The following FAT4 variants were observed in gnomAD, a reference collection of about 807,000 sequenced individuals.
FAT4 encodes FAT atypical cadherin 4, also known as protocadherin Fat 4.
In FAT4, 84 loss-of-function variants were observed where a neutral mutation model predicts 303.9. The observed-to-expected ratio is 0.28, with a 90% confidence interval of 0.23 to 0.33. The LOEUF is 0.33. Ranked by LOEUF, FAT4 falls within the 10% of genes least tolerant of loss-of-function variation. The pLI, the probability that FAT4 is intolerant of heterozygous loss-of-function variation, is 1.00. For synonymous variants in FAT4, 2,307 were observed against 2,298.8 expected (o/e 1.00, Z -0.10); for missense variants, 6,005 against 6,146.8 (o/e 0.98, Z 0.77).
chr4:125,464,319 G>A (rs1268300437), intron 11 of FAT4, among the ~76,000 whole-genome samples: 1 of 152,024 alleles, frequency 6.6e-6, no homozygotes, highest in African/African-American at 2.4e-5. Flanking sequence ...ATTCCTTCCA[G>A]GTCTTATCCA....
chr4:125,381,444 A>C (rs1274427044), intron 2 of FAT4, among the ~76,000 whole-genome samples: 1 of 136,820 alleles, frequency 7.3e-6, no homozygotes, highest in Non-Finnish European at 1.7e-5. Context: ...TTGGTGTTTC[A>C]TTGCATATAA....
At chr4:125,436,193 T>TTA (rs57596046) in intron 8 of FAT4, among the ~76,000 whole-genome samples, 1 of 148,616 alleles carries the variant, frequency 6.7e-6, no homozygotes, top group African/African-American at 2.5e-5. Context: ...AGTATAATAA[T>TTA]AAAAAAAAAA....
intron 2 of FAT4, among the ~76,000 whole-genome samples, chr4:125,381,749 T>TGA (rs1733550599): frequency 6.6e-6 from 1 of 152,198 alleles, no homozygotes; most frequent in Admixed American, 6.5e-5. Flanking sequence ...GAAAGATTTC[T>TGA]CTGTAGCATT....
chr4:125,457,299 G>C (rs1041687424), intron 10 of FAT4, among the ~76,000 whole-genome samples: 5 of 152,026 alleles, frequency 3.3e-5, no homozygotes. Flanking sequence ...ATTTTATGTA[G>C]AGAACAACTT....
At chr4:125,376,727 C>T (rs1345009622) in intron 2 of FAT4, among the ~76,000 whole-genome samples, 1 of 151,988 alleles carries the variant, frequency 6.6e-6, no homozygotes, top group Non-Finnish European at 1.5e-5. Flanking sequence ...TAGAGAAACC[C>T]GGTCTCTACT....
chr4:125,452,942 A>G (rs1258119308), intron 10 of FAT4, 132 bp downstream of exon 10: 28 of 1,152,782 alleles, frequency 2.4e-5, no homozygotes, highest in Non-Finnish European at 3.3e-5. Flanking sequence ...TTAAACATTT[A>G]CTGTTGGTCA....
intron 7 of FAT4, among the ~76,000 whole-genome samples, chr4:125,429,868 T>C (rs1725222209): frequency 6.6e-6 from 1 of 152,066 alleles, no homozygotes; most frequent in African/African-American, 2.4e-5. Flanking sequence ...GCAGAAAGCT[T>C]TGGACGGAAG....
chr4:125,352,084 A>T (rs183976688), intron 2 of FAT4, among the ~76,000 whole-genome samples: 1 of 151,798 alleles, frequency 6.6e-6, no homozygotes, highest in Non-Finnish European at 1.5e-5. Context: ...TTTTTTAAAA[A>T]GGGATTTAGG....
intron 2 of FAT4, among the ~76,000 whole-genome samples, chr4:125,353,793 G>A (rs995060643): frequency 6.6e-5 from 10 of 151,728 alleles, no homozygotes; most frequent in African/African-American, 2.4e-4. Flanking sequence ...AATATTTAGT[G>A]ACTGAAAAAT....
chr4:125,418,034 T>A (rs999739811), intron 7 of FAT4, among the ~76,000 whole-genome samples: 1 of 152,206 alleles, frequency 6.6e-6, no homozygotes, highest in Non-Finnish European at 1.5e-5. Context: ...CAGTTTAATC[T>A]TATTTTCCAA....
intron 2 of FAT4, among the ~76,000 whole-genome samples, chr4:125,371,345 T>C (rs1733106283): frequency 1.3e-5 from 2 of 151,832 alleles, no homozygotes; most frequent in Admixed American, 6.6e-5. Flanking sequence ...ACAAATAATA[T>C]TATACTGTGT....
chr4:125,487,382 G>C lies in FAT4; in HGVS notation c.12860G>C (p.Gly4287Ala). 1 of 1,613,850 alleles carries C rather than the reference G, an allele frequency of 6.2e-7. No homozygotes were observed. Among genetic ancestry groups the C allele is most frequent in the Non-Finnish European group, 8.5e-7 (1 of 1,179,770 alleles). ...NGKVYFTSDAGIAGKVERNIP... is the reference protein window; with the variant it reads ...NGKVYFTSDAAIAGKVERNIP... ...AAAGTATATTTTACATCCGATGCAG[G>C]AATTGCTGGGAAAGTGGAGAGAAAT... Residue 4287 changes from glycine (G) to alanine (A), a missense_variant, in exon 17 of 18, where the codon GGA becomes GCA. By Grantham distance (60) the Gly-to-Ala change is moderately conservative. Coordinates refer to ENST00000394329, the MANE Select transcript of FAT4 (RefSeq NM_001291303.3).
At chr4:125,331,882 C>G (rs1044271759) in intron 2 of FAT4, among the ~76,000 whole-genome samples, 1 of 152,118 alleles carries the variant, frequency 6.6e-6, no homozygotes, top group Non-Finnish European at 1.5e-5. Flanking sequence ...GCTGGACAAT[C>G]CCTCTTGCCT....
chr4:125,326,874 A>G (rs1192338012), intron 2 of FAT4, among the ~76,000 whole-genome samples: 1 of 151,978 alleles, frequency 6.6e-6, no homozygotes, highest in Non-Finnish European at 1.5e-5. Context: ...AAAATACAAA[A>G]ATTTGCCGGG....
At chr4:125,354,340 G>A (rs1732347177) in intron 2 of FAT4, among the ~76,000 whole-genome samples, 1 of 151,642 alleles carries the variant, frequency 6.6e-6, no homozygotes, top group South Asian at 2.1e-4. Context: ...ATATGTTTTT[G>A]ATTCAAATAT....
chr4:125,438,158 A>C (rs1725524680), intron 8 of FAT4, among the ~76,000 whole-genome samples: 1 of 152,198 alleles, frequency 6.6e-6, no homozygotes, highest in African/African-American at 2.4e-5. Flanking sequence ...AATCAGATAT[A>C]GGGAAATTCT....
intron 2 of FAT4, among the ~76,000 whole-genome samples, chr4:125,333,771 G>A (rs1731472499): frequency 6.6e-6 from 1 of 152,104 alleles, no homozygotes; most frequent in Admixed American, 6.6e-5. Context: ...CAATCATCCT[G>A]TGAGATAACA....
intron 4 of FAT4, among the ~76,000 whole-genome samples, chr4:125,407,734 A>T (rs1004819720): frequency 2.0e-5 from 3 of 152,110 alleles, no homozygotes; most frequent in African/African-American, 7.2e-5. Flanking sequence ...TTCTTTGAAC[A>T]TATTATATTG....
rs554704001 is a variant in FAT4 at position 125,479,761 on chromosome 4, C to G, written c.12500C>G (p.Ala4167Gly). 5 of 1,596,352 alleles carry G rather than the reference C, an allele frequency of 3.1e-6. No homozygotes were observed. In the South Asian group the frequency reaches 5.6e-5, roughly 18 times the overall value. Residue 4167 changes from alanine (A) to glycine (G), a missense_variant, in exon 15 of 18, where the codon GCT (alanine) becomes GGT (glycine). Transcript: ENST00000394329. ...TTTAGATGCCCTAGGCTGGAAGGCGCTTGTACTCGCAGCCCATGCCAACAT... is the reference window on the plus strand; with the variant it reads ...TTTAGATGCCCTAGGCTGGAAGGCGGTTGTACTCGCAGCCCATGCCAACAT... ...ILDQCPRLEG[A>G]CTRSPCQHGG...
Sources: gnomAD v4.1 joint callset for allele counts (sites outside exome capture counted in the v4.1 genomes callset) on GRCh38, gnomAD v4.1.1 for gene constraint, MANE v1.5 for transcripts, NCBI Gene and HGNC (gene_info 2026-07-23, HGNC 2026-07-21) for gene names.